RASAL2: variants seen among roughly 807,000 people sequenced by gnomAD.
RASAL2 encodes the protein ras GTPase-activating protein nGAP.
In RASAL2, 58 loss-of-function variants were observed where a neutral mutation model predicts 128.9. The ratio of observed to expected loss-of-function variants is 0.45; its 90% CI spans 0.36 to 0.56. RASAL2 has a LOEUF of 0.56. Among genes scored for constraint, RASAL2 ranks in the 20% least tolerant of loss-of-function variants. RASAL2 has a pLI of 0.00. For missense variants in RASAL2, 1,360 were observed against 1,601.6 expected (o/e 0.85, Z 2.57); for synonymous variants, 561 against 580.8 (o/e 0.97, Z 0.49).
chr1:178,245,184 C>G (rs895704762), intron 1 of RASAL2, among the ~76,000 whole-genome samples: 2 of 152,210 alleles, frequency 1.3e-5, no homozygotes, highest in Non-Finnish European at 2.9e-5. Flanking sequence ...CTAATTTACA[C>G]TGCCACCAAC....
chr1:178,414,168 G>A (rs748166650), intron 4 of RASAL2, among the ~76,000 whole-genome samples: 12 of 152,224 alleles, frequency 7.9e-5, no homozygotes, highest in East Asian at 1.9e-4. Context: ...AGTATTTAAC[G>A]TCCTGATAAA....
intron 1 of RASAL2, among the ~76,000 whole-genome samples, chr1:178,155,102 C>T (rs1436371095): frequency 3.3e-5 from 5 of 152,084 alleles, no homozygotes; most frequent in African/African-American, 4.8e-5. Flanking sequence ...GGATTGCAAG[C>T]GTGAGCCACC....
intron 3 of RASAL2, among the ~76,000 whole-genome samples, chr1:178,321,962 T>C (rs1668807918): frequency 6.6e-6 from 1 of 150,444 alleles, no homozygotes; most frequent in African/African-American, 2.5e-5. Context: ...CACTCCAGCC[T>C]GGGCAACAAG....
At chr1:178,143,187 T>G (rs1319845443) in intron 1 of RASAL2, among the ~76,000 whole-genome samples, 1 of 151,712 alleles carries the variant, frequency 6.6e-6, no homozygotes, top group East Asian at 1.9e-4. Context: ...TATATATAGA[T>G]GTAATGTATA....
rs1677637721 is a variant in RASAL2 at position 178,454,643 on chromosome 1, G to A, written c.2206G>A (p.Asp736Asn). The A allele has an allele frequency of 6.2e-7, 1 of 1,613,124 alleles. No individual in the cohort carries two copies. The highest frequency in any genetic ancestry group is 1.3e-5 in the African/African-American group (1 of 74,888). The change falls in exon 12 of 18, where the codon GAT (aspartate) becomes AAT (asparagine). Residue 736 changes from aspartate to asparagine, a missense_variant. Coordinates refer to ENST00000367649, the MANE Select transcript of RASAL2 (RefSeq NM_170692.4). ...SLLWEVVSQLDKATVAKLGPL... is the reference protein window; with the variant it reads ...SLLWEVVSQLNKATVAKLGPL... ...ACTGTGGGAAGTAGTTTCCCAACTT[G>A]ATAAGGTAAAGTAGGTTGGTGGAAG...
At chr1:178,274,250 T>A (rs1004927736) in intron 1 of RASAL2, among the ~76,000 whole-genome samples, 1 of 152,088 alleles carries the variant, frequency 6.6e-6, no homozygotes, top group Non-Finnish European at 1.5e-5. Context: ...TTCTCAATAG[T>A]GAAATTAGTG....
intron 3 of RASAL2, among the ~76,000 whole-genome samples, chr1:178,330,933 T>C (rs1669272464): frequency 6.6e-6 from 1 of 152,254 alleles, no homozygotes; most frequent in Non-Finnish European, 1.5e-5. Context: ...TTGTGCCAAG[T>C]ACTGTTCTAA....
At position 178,468,653 on chromosome 1, in the gene RASAL2, G is replaced by A. The variant is rs185085451; in HGVS notation, c.3678+1232G>A. 1.6e-3 allele frequency among the ~76,000 whole-genome samples: 250 copies of A among 152,308 alleles called. 2 individuals carry two copies. Among genetic ancestry groups the A allele is most frequent in the Non-Finnish European group, 9.6e-4 (65 of 68,020 alleles). ...ATATTTTGGATTCTTGAACTCTATA[G>A]TTTCTGGATACTTAGACATGCGGAG... is the stretch of plus-strand genomic sequence containing the variant. On this transcript the variant is annotated intron_variant, in intron 17 of 17. Coordinates refer to ENST00000367649, the MANE Select transcript of RASAL2 (RefSeq NM_170692.4).
chr1:178,197,946 A>G (rs1662727559), intron 1 of RASAL2, among the ~76,000 whole-genome samples: 1 of 152,056 alleles, frequency 6.6e-6, no homozygotes, highest in Non-Finnish European at 1.5e-5. Context: ...GAGAACATGC[A>G]GTGTTTGGTT....
chr1:178,247,425 CCCCTTT>C (rs1414149818), intron 1 of RASAL2, among the ~76,000 whole-genome samples: 2 of 151,636 alleles, frequency 1.3e-5, no homozygotes, highest in African/African-American at 4.8e-5. Flanking sequence ...GTGATGATAT[CCCCTTT>C]ATGATTTTTT....
intron 1 of RASAL2, among the ~76,000 whole-genome samples, chr1:178,244,519 G>A (rs1056780411): frequency 2.0e-5 from 3 of 152,362 alleles, no homozygotes; most frequent in South Asian, 4.1e-4. Context: ...GGGATTACAG[G>A]CGTGAGCCAC....
intron 4 of RASAL2, chr1:178,411,613 T>G (rs1483279950): frequency 1.3e-6 from 1 of 752,494 alleles, no homozygotes; most frequent in African/African-American, 1.7e-5. Context: ...AATGGCACAC[T>G]TCAGGTGGCT....
At chr1:178,463,178 G>T (rs532063910) in intron 14 of RASAL2, among the ~76,000 whole-genome samples, 2 of 152,070 alleles carry the variant, frequency 1.3e-5, no homozygotes, top group East Asian at 3.9e-4. Flanking sequence ...TGGAATTCTG[G>T]TCCTTAAAAT....
chr1:178,319,083 G>C (rs1668627430), intron 3 of RASAL2, among the ~76,000 whole-genome samples: 1 of 152,046 alleles, frequency 6.6e-6, no homozygotes, highest in Non-Finnish European at 1.5e-5. Context: ...GAAATTCTGG[G>C]TTGAAAATTC....
At chr1:178,442,459 A>G (rs1289870714) in intron 7 of RASAL2, among the ~76,000 whole-genome samples, 1 of 152,026 alleles carries the variant, frequency 6.6e-6, no homozygotes, top group Non-Finnish European at 1.5e-5. Context: ...AATGAACTAT[A>G]TATAATATAT....
At chr1:178,136,756 C>CAAAAAAAAAAAAAAAAAAAAAAAAAAA (rs397982072) in intron 1 of RASAL2, among the ~76,000 whole-genome samples, 1 of 47,200 alleles carries the variant, frequency 2.1e-5, no homozygotes, top group African/African-American at 1.0e-4. Context: ...GACTCTGTCT[C>CAAAAAAAAAAAAAAAAAAAAAAAAAAA]AAAAAAAAAA....
In RASAL2 at chr1:178,476,974, A is replaced by C. The variant is rs1648716538; in HGVS notation, c.*3735A>C. 1 of 152,314 alleles carries C rather than the reference A, an allele frequency of 6.6e-6. No individual in the cohort carries two copies. The highest frequency in any genetic ancestry group is 6.5e-5 in the Admixed American group (1 of 15,282). 9.4% of individuals were successfully genotyped at this position (152,314 alleles called of 1,614,324 possible). On this transcript the variant is annotated 3_prime_UTR_variant, in exon 18 of 18. Coordinates refer to ENST00000367649, the MANE Select transcript of RASAL2 (RefSeq NM_170692.4). ...GCTGGTTATAGGACTGAGCGTGGGA[A>C]AGGAACCCTCTTCAGGATTACCTCA... is the stretch of plus-strand genomic sequence containing the variant.
chr1:178,159,604 T>C (rs1371532667), intron 1 of RASAL2, among the ~76,000 whole-genome samples: 1 of 152,142 alleles, frequency 6.6e-6, no homozygotes, highest in Non-Finnish European at 1.5e-5. Context: ...AAACTTGTTT[T>C]TGTTTTTGCT....
At chr1:178,249,777 T>A (rs1418666498) in intron 1 of RASAL2, among the ~76,000 whole-genome samples, 1 of 152,206 alleles carries the variant, frequency 6.6e-6, no homozygotes, top group Non-Finnish European at 1.5e-5. Context: ...TAGTGTTTGA[T>A]TTTGATATTG....
Sources: allele counts gnomAD v4.1 joint callset (sites outside exome capture counted in the v4.1 genomes callset), GRCh38; gene constraint gnomAD v4.1.1; transcripts MANE v1.5; gene names NCBI Gene and HGNC (gene_info 2026-07-23, HGNC 2026-07-21).